The following PCDH15 variants were observed in gnomAD, a reference collection of about 807,000 sequenced individuals.
PCDH15 encodes the protein protocadherin-15.
PCDH15 carries 129 observed loss-of-function variants against 178.5 expected under a neutral mutation model. That is an observed-to-expected ratio of 0.72 (90% CI 0.63 to 0.84). The LOEUF (loss-of-function observed/expected upper bound fraction) is 0.84. Among genes scored for constraint, PCDH15 ranks in the 40% least tolerant of loss-of-function variants. PCDH15 has a pLI of 0.00. For missense variants in PCDH15, 2,230 were observed against 2,099.9 expected, an observed-to-expected ratio of 1.06 and a Z score of -1.21; for synonymous variants, 800 against 732.0, an observed-to-expected ratio of 1.09 and a Z score of -1.50.
At chr10:54,577,852 GAATAAATAAATA>G (rs1228767675) in intron 2 of PCDH15, among the ~76,000 whole-genome samples, 287 of 11,498 alleles carry the variant, frequency 0.025, 1 homozygote, top group African/African-American at 0.033. Context: ...CTAAATAAAT[GAATAAATAAATA>G]AATAAATAAA....
intron 1 of PCDH15, among the ~76,000 whole-genome samples, chr10:55,280,371 C>T (rs983944959): frequency 4.0e-5 from 6 of 148,248 alleles, no homozygotes; most frequent in African/African-American, 1.0e-4. Flanking sequence ...CTCCGCCTCC[C>T]GGGTTCAAGG....
chr10:55,034,022 C>A (rs1169740262), intron 2 of PCDH15, among the ~76,000 whole-genome samples: 4 of 150,534 alleles, frequency 2.7e-5, no homozygotes, highest in African/African-American at 7.4e-5. Flanking sequence ...CCTTACCAGA[C>A]AAACAAACCT....
intron 15 of PCDH15, among the ~76,000 whole-genome samples, chr10:54,131,721 A>C (rs1407654027): frequency 6.6e-6 from 1 of 152,228 alleles, no homozygotes; most frequent in Admixed American, 6.5e-5. Flanking sequence ...ATCAGTAATC[A>C]GTAGGATATA....
rs1840980998 is a variant in PCDH15 at position 53,803,399 on chromosome 10, A to G, written c.*3180T>C. On this transcript the variant is annotated 3_prime_UTR_variant, in exon 38 of 38. Coordinates refer to ENST00000644397, the MANE Select transcript of PCDH15 (RefSeq NM_001384140.1). ...TCAATATTCAATTACTTCTGGCTCT[A>G]TGATATAAAAATGTTTTTAAATAAT... 1 of 151,950 alleles carries G rather than the reference A, an allele frequency of 6.6e-6. No homozygotes were observed. The highest frequency in any genetic ancestry group is 1.5e-5 in the Non-Finnish European group (1 of 67,872). The allele number at this position is 151,950 out of a possible 1,614,324, so 9.4% of individuals were successfully genotyped here.
intron 6 of PCDH15, among the ~76,000 whole-genome samples, chr10:54,333,314 G>A (rs1466605450): frequency 6.6e-6 from 1 of 151,916 alleles, no homozygotes; most frequent in Admixed American, 6.6e-5. Flanking sequence ...ATCATCAATG[G>A]TGCTTCTGAA....
At chr10:54,024,072 T>C (rs1298237994) in intron 18 of PCDH15, among the ~76,000 whole-genome samples, 1 of 152,182 alleles carries the variant, frequency 6.6e-6, no homozygotes, top group Non-Finnish European at 1.5e-5. Flanking sequence ...TTTGATACCA[T>C]AATATACCTA....
intron 3 of PCDH15, among the ~76,000 whole-genome samples, chr10:54,512,359 T>TTG (rs200575121): frequency 0.18 from 23,786 of 133,736 alleles, 2,109 homozygotes; most frequent in Middle Eastern, 0.26. Flanking sequence ...ATTTCTGGCA[T>TTG]TGTGTGTGTG....
At chr10:54,519,727 G>A (rs2082641992) in intron 3 of PCDH15, among the ~76,000 whole-genome samples, 3 of 152,208 alleles carry the variant, frequency 2.0e-5, no homozygotes, top group South Asian at 2.1e-4. Flanking sequence ...AAGTTCATAT[G>A]GAACCAAAAA....
At chr10:55,326,606 T>C (rs1259968417) in intron 2 of PCDH15, among the ~76,000 whole-genome samples, 1 of 152,070 alleles carries the variant, frequency 6.6e-6, no homozygotes, top group African/African-American at 2.4e-5. Context: ...GTTTAAATAG[T>C]AAGTCATATT....
At chr10:55,614,220 C>A (rs1423710881) in intron 2 of PCDH15, among the ~76,000 whole-genome samples, 2 of 151,968 alleles carry the variant, frequency 1.3e-5, no homozygotes, top group African/African-American at 4.8e-5. Flanking sequence ...AGTCAGGAAG[C>A]GTGTAGTAAA....
At chr10:54,307,793 T>A (rs151127490) in intron 8 of PCDH15, among the ~76,000 whole-genome samples, 3 of 152,178 alleles carry the variant, frequency 2.0e-5, no homozygotes, top group African/African-American at 7.2e-5. Flanking sequence ...AATTAGGTCC[T>A]ATCTACATAC....
intron 1 of PCDH15, among the ~76,000 whole-genome samples, chr10:54,664,808 G>A (rs556030368): frequency 6.6e-6 from 1 of 151,018 alleles, no homozygotes; most frequent in African/African-American, 2.4e-5. Flanking sequence ...TGCCAGGAAA[G>A]ACTAAGGAAA....
chr10:54,517,016 A>AT (rs1174026200), intron 3 of PCDH15, among the ~76,000 whole-genome samples: 2 of 152,090 alleles, frequency 1.3e-5, no homozygotes, highest in African/African-American at 4.8e-5. Flanking sequence ...ATGCTGAGAG[A>AT]TTTTGTCACC....
chr10:54,271,615 T>C (rs2132499440), intron 8 of PCDH15, among the ~76,000 whole-genome samples: 1 of 152,252 alleles, frequency 6.6e-6, no homozygotes, highest in South Asian at 2.1e-4. Context: ...TTCATTCAGG[T>C]TGGACTCAAC....
intron 3 of PCDH15, among the ~76,000 whole-genome samples, chr10:54,826,308 C>T (rs1343527428): frequency 1.3e-5 from 2 of 151,742 alleles, no homozygotes; most frequent in Non-Finnish European, 2.9e-5. Context: ...TGTGGAAATT[C>T]TTCCTGACAT....
chr10:55,042,243 G>T (rs976897512), intron 2 of PCDH15, among the ~76,000 whole-genome samples: 18 of 152,110 alleles, frequency 1.2e-4, no homozygotes, highest in African/African-American at 4.1e-4. Context: ...GGTGACAACA[G>T]GAGCTCAACA....
chr10:54,878,151 C>T (rs1279761755), intron 3 of PCDH15, among the ~76,000 whole-genome samples: 4 of 151,278 alleles, frequency 2.6e-5, no homozygotes, highest in East Asian at 3.9e-4. Context: ...TTAGTAGAGA[C>T]GGGGTTTCGC....
At chr10:54,090,629 GCAAGAT>G (rs1427765468) in intron 15 of PCDH15, among the ~76,000 whole-genome samples, 1 of 128,344 alleles carries the variant, frequency 7.8e-6, no homozygotes, top group East Asian at 2.1e-4. Context: ...GGGCAACAGA[GCAAGAT>G]CTTGTCTCAA....
chr10:55,111,580 A>G (rs919827734), intron 2 of PCDH15, among the ~76,000 whole-genome samples: 1 of 152,216 alleles, frequency 6.6e-6, no homozygotes, highest in Non-Finnish European at 1.5e-5. Context: ...GCAGTGGCTC[A>G]CGCCTGTAAT....
Sources: gnomAD v4.1 joint callset for allele counts (sites outside exome capture counted in the v4.1 genomes callset) on GRCh38, gnomAD v4.1.1 for gene constraint, MANE v1.5 for transcripts, NCBI Gene and HGNC (gene_info 2026-07-23, HGNC 2026-07-21) for gene names.